EPHA1: variants seen among roughly 807,000 people sequenced by gnomAD.
EPHA1 encodes the protein EPH receptor A1, also known as ephrin type-A receptor 1.
In EPHA1, 92 loss-of-function variants were observed where a neutral mutation model predicts 110.1. That is an observed-to-expected ratio of 0.84 (90% CI 0.71 to 0.99). The LOEUF (loss-of-function observed/expected upper bound fraction) is 0.99. EPHA1 is among the 50% of genes least tolerant of loss of function. The pLI, the probability that EPHA1 is intolerant of heterozygous loss-of-function variation, is 0.00. For synonymous variants in EPHA1, 500 were observed against 516.1 expected, an observed-to-expected ratio of 0.97 and a Z score of 0.42; for missense variants, 1,204 against 1,285.4, an observed-to-expected ratio of 0.94 and a Z score of 0.97.
rs1357284899 is a variant in EPHA1 at position 143,397,621 on chromosome 7, A to T, written c.1652T>A (p.Val551Asp). Reference sequence around the variant, plus strand: ...TGCACCAAGCAGCAGCCCAAAGATGACGGCTACAATCTCTCCTCCAGTCAG... The same window carrying T: ...TGCACCAAGCAGCAGCCCAAAGATGTCGGCTACAATCTCTCCTCCAGTCAG... ...RGLTGGEIVA[V>D]IFGLLLGAAL... Residue 551 changes from valine to aspartate, a missense_variant, in exon 9 of 18, where the codon GTC (valine) becomes GAC (aspartate). Physicochemically the swap from Val to Asp is radical, Grantham distance 152. Transcript: ENST00000275815. The T allele has an allele frequency of 2.5e-6, 4 of 1,614,028 alleles. No homozygotes were observed. The highest frequency in any genetic ancestry group is 3.4e-6 in the Non-Finnish European group (4 of 1,180,046).
intron 16 of EPHA1, among the ~76,000 whole-genome samples, chr7:143,392,775 C>CTACTA (rs1286368544): frequency 3.3e-5 from 5 of 152,090 alleles, no homozygotes; most frequent in Non-Finnish European, 7.3e-5. Flanking sequence ...AACCCCGTTT[C>CTACTA]TACTAAAAAT....
At position 143,391,624 on chromosome 7, in the gene EPHA1, C is replaced by A. The variant is rs762781363; in HGVS notation, c.2848G>T (p.Ala950Ser). Reference sequence around the variant, plus strand: ...CAGACAGCTCCAGCTCCTTACTCAGCGGTCAGCTCCAGCACACACTCCATG... The same window carrying A: ...CAGACAGCTCCAGCTCCTTACTCAGAGGTCAGCTCCAGCACACACTCCATG... Reference protein sequence around the residue: ...DTMECVLELTAEDLTQMGITL... With the variant: ...DTMECVLELTSEDLTQMGITL... Residue 950 changes from alanine (A) to serine (S), a missense_variant, in exon 17 of 18, where the codon GCT (alanine) becomes TCT (serine). By Grantham distance (99) the Ala-to-Ser change is moderately conservative (BLOSUM62 1). Transcript: ENST00000275815. 6.2e-7 allele frequency: 1 copy of A among 1,614,166 alleles called. No individual in the cohort carries two copies. Among genetic ancestry groups the A allele is most frequent in the Admixed American group, 1.7e-5 (1 of 60,024 alleles).
chr7:143,391,510 G>A lies in EPHA1; in HGVS notation c.2878C>T (p.Leu960=), dbSNP rs750505425. The A allele has an allele frequency of 1.9e-6, 3 of 1,614,202 alleles. No individual in the cohort carries two copies. The highest frequency in any genetic ancestry group is 1.7e-6 in the Non-Finnish European group (2 of 1,180,028). ...AGAATGCGCTTCTGGTGCCCGGGCAGTGTGATTCCCATCTGCGTCAGGTCC... is the reference window on the plus strand; with the variant it reads ...AGAATGCGCTTCTGGTGCCCGGGCAATGTGATTCCCATCTGCGTCAGGTCC... ...AEDLTQMGIT[L]PGHQKRILCS... The change falls in exon 18 of 18, where the codon CTG becomes TTG. Residue 960 remains leucine, a synonymous_variant. Coordinates refer to ENST00000275815, the MANE Select transcript of EPHA1 (RefSeq NM_005232.5).
intron 2 of EPHA1, among the ~76,000 whole-genome samples, chr7:143,405,423 G>A (rs1223984316): frequency 2.4e-5 from 3 of 127,282 alleles, no homozygotes; most frequent in East Asian, 5.9e-4. Context: ...GAATGCCTGC[G>A]TGTGCATGTG....
In EPHA1 at chr7:143,407,865, T is replaced by C. The variant is rs1307055436; in HGVS notation, c.83-187A>G. 8.7e-6 allele frequency: 4 copies of C among 457,850 alleles called. No homozygotes were observed. In the Admixed American group the frequency reaches 1.2e-4, roughly 14 times the overall value. 28.4% of individuals were successfully genotyped at this position (457,850 alleles called of 1,614,324 possible). A position where few individuals can be genotyped will look rare whatever the true frequency, so the allele number is the denominator to read the frequency against. On this transcript the variant is annotated intron_variant, in intron 1 of 17. Transcript: ENST00000275815. ...GTGAAGAGCTCCAGGGATTTCACTC[T>C]TCTTTGTGTGTGTGAAGGAAGGCAG... is the stretch of plus-strand genomic sequence containing the variant.
At chr7:143,404,864 C>T (rs1805503120) in intron 2 of EPHA1, among the ~76,000 whole-genome samples, 3 of 151,992 alleles carry the variant, frequency 2.0e-5, no homozygotes, top group Admixed American at 2.0e-4. Flanking sequence ...ATTTTTGTTG[C>T]AACCCCATAA....
At chr7:143,392,431 A>T (rs957082572) in intron 16 of EPHA1, among the ~76,000 whole-genome samples, 3 of 152,244 alleles carry the variant, frequency 2.0e-5, no homozygotes, top group Admixed American at 2.0e-4. Flanking sequence ...AACTTAGAGC[A>T]TGTTTTCTCC....
At position 143,401,671 on chromosome 7, in the gene EPHA1, A is replaced by G; in HGVS notation, c.151-66T>C. ...TGCTCCCCAAACCCTTGGTTTTTAG[A>G]GCTGATGGAGAAGCAGCTGTGTCAG... On this transcript the variant is annotated intron_variant, in intron 2 of 17. Coordinates refer to ENST00000275815, the MANE Select transcript of EPHA1 (RefSeq NM_005232.5). The surrounding 1 kb of genome is among the most constrained non-coding windows in gnomAD (Gnocchi z 4.1). 6.4e-7 allele frequency: 1 copy of G among 1,561,288 alleles called. No homozygotes were observed. The highest frequency in any genetic ancestry group is 8.7e-7 in the Non-Finnish European group (1 of 1,149,110).
chr7:143,399,574 C>T (rs1805358643), intron 4 of EPHA1, 77 bp downstream of exon 4: 1 of 1,589,512 alleles, frequency 6.3e-7, no homozygotes, highest in Non-Finnish European at 8.6e-7. Flanking sequence ...AGGCGGAGCA[C>T]TGGCCTCCTT....
At chr7:143,391,826 T>G in intron 16 of EPHA1, 51 bp from the exon 17 acceptor site, 1 of 1,594,636 alleles carries the variant, frequency 6.3e-7, no homozygotes, top group Non-Finnish European at 8.6e-7. Context: ...CTGATCTGGT[T>G]GGCCTTGGCC....
chr7:143,397,546 G>C lies in EPHA1; in HGVS notation c.1712+15C>G, dbSNP rs775349109. On this transcript the variant is annotated intron_variant, in intron 9 of 17. Transcript: ENST00000275815. ...ACCCAGGGCTGGTGGTTGGGGAGGG[G>C]GCAGGAGCTGGCACCTGGACCGGAA... 5.3e-5 allele frequency: 86 copies of C among 1,613,030 alleles called. No homozygotes were observed. Among genetic ancestry groups the C allele is most frequent in the Non-Finnish European group, 6.2e-5 (73 of 1,179,156 alleles).
chr7:143,394,214 C>A lies in EPHA1; in HGVS notation c.2482G>T (p.Gly828Trp), dbSNP rs1426261434. The change falls in exon 15 of 18, where the codon GGG becomes TGG. Residue 828 changes from glycine to tryptophan, a missense_variant. By Grantham distance (184) the Gly-to-Trp change is radical. Transcript: ENST00000275815. ...CTCACCTCCTGATTGCTCATCTCCC[C>A]ATAAGGCTTGTCCCCAAAGCTCAGC... The part of the protein sequence containing the change: ...EVLSFGDKPY[G>W]EMSNQEVMKS... 6.2e-7 allele frequency: 1 copy of A among 1,613,758 alleles called. No individual in the cohort carries two copies. Among genetic ancestry groups the A allele is most frequent in the African/African-American group, 1.3e-5 (1 of 74,872 alleles).
In EPHA1 at chr7:143,395,876, G is replaced by A. The variant is rs1805230571; in HGVS notation, c.1898-372C>T. The stretch of plus-strand genomic sequence containing the variant: ...GGCTATGGCCGCCTCTCTTCTGTGA[G>A]CTCCTCTGGTCCCAGCTTGCCTGGC... On this transcript the variant is annotated intron_variant, in intron 11 of 17. Transcript: ENST00000275815. This position sits in a 1 kb window ranked among gnomAD's most constrained non-coding sequence, Gnocchi z 4.7. 6.6e-6 allele frequency among the ~76,000 whole-genome samples: 1 copy of A among 151,814 alleles called. No homozygotes were observed. Among genetic ancestry groups the A allele is most frequent in the South Asian group, 2.2e-4 (1 of 4,638 alleles).
chr7:143,397,290 T>C lies in EPHA1; in HGVS notation c.1771+14A>G, dbSNP rs1197814903. On this transcript the variant is annotated intron_variant, in intron 10 of 17. Transcript: ENST00000275815. The stretch of plus-strand genomic sequence containing the variant: ...ACACGCATGTGGGGACACACGCAGG[T>C]GCACCCGACTCACCTCGATCCACAT... 1.3e-6 allele frequency: 2 copies of C among 1,546,578 alleles called. No homozygotes were observed. Among genetic ancestry groups the C allele is most frequent in the Non-Finnish European group, 1.7e-6 (2 of 1,145,502 alleles).
intron 2 of EPHA1, among the ~76,000 whole-genome samples, chr7:143,404,363 C>T (rs929540966): frequency 1.3e-5 from 2 of 151,904 alleles, no homozygotes; most frequent in Admixed American, 6.6e-5. Flanking sequence ...ACTACAGGCG[C>T]TCGCCACCAT....
rs774662756 is a variant in EPHA1 at position 143,397,909 on chromosome 7, A to G, written c.1615+11T>C. 6 of 1,613,668 alleles carry G rather than the reference A, an allele frequency of 3.7e-6. No homozygotes were observed. The highest frequency in any genetic ancestry group is 1.7e-4 in the Middle Eastern group (1 of 6,060). On this transcript the variant is annotated intron_variant, in intron 8 of 17. Transcript: ENST00000275815. ...TGTATGTGTGTTGGGGCAGAGCACA[A>G]GATACCCCACCTGGTGGGCTGGTCC...
At chr7:143,398,978 G>A (rs769176023) in intron 5 of EPHA1, 33 bp from the exon 6 acceptor site, 11 of 1,529,766 alleles carry the variant, frequency 7.2e-6, no homozygotes, top group Admixed American at 6.0e-5. Context: ...AGTAGAAGCC[G>A]ACCTCGCTGT....
At chr7:143,408,310 G>A (rs542610755) in intron 1 of EPHA1, among the ~76,000 whole-genome samples, 1 of 152,310 alleles carries the variant, frequency 6.6e-6, no homozygotes, top group South Asian at 2.1e-4. Flanking sequence ...CCCGGAGGCA[G>A]CTCCCTCTGT....
rs1165614411 is a variant in EPHA1 at position 143,393,959 on chromosome 7, C to T, written c.2503-95G>A. On this transcript the variant is annotated intron_variant, in intron 15 of 17. Coordinates refer to ENST00000275815, the MANE Select transcript of EPHA1 (RefSeq NM_005232.5). The surrounding 1 kb of genome is among the most constrained non-coding windows in gnomAD (Gnocchi z 5.6). ...CACACAAGATAATTGCAGTGGAGAT[C>T]CTAGGATGGGAGGAGGTGGGAGGAC... 2 of 1,418,678 alleles carry T rather than the reference C, an allele frequency of 1.4e-6. No homozygotes were observed. The highest frequency in any genetic ancestry group is 2.3e-5 in the East Asian group (1 of 43,194). 87.9% of individuals were successfully genotyped at this position (1,418,678 alleles called of 1,614,324 possible).
Sources: gnomAD v4.1 joint callset for allele counts (sites outside exome capture counted in the v4.1 genomes callset) on GRCh38, gnomAD v4.1.1 for gene constraint, Gnocchi (gnomAD v3.1) non-coding constraint, MANE v1.5 for transcripts, NCBI Gene and HGNC (gene_info 2026-07-23, HGNC 2026-07-21) for gene names.